Variants in PDGFRA observed in about 807,000 individuals in gnomAD.
The protein encoded by PDGFRA is platelet derived growth factor receptor alpha.
PDGFRA carries 25 observed loss-of-function variants against 121.5 expected under a neutral mutation model. The observed-to-expected ratio is 0.21, with a 90% CI of 0.15 to 0.29. PDGFRA has a LOEUF of 0.29. Ranked by LOEUF, PDGFRA falls within the 10% of genes least tolerant of loss-of-function variation. The pLI is 1.00. For missense variants in PDGFRA, 1,008 were observed against 1,345.1 expected (o/e 0.75, Z 3.92); for synonymous variants, 463 against 494.8 (o/e 0.94, Z 0.85).
chr4:54,238,857 A>C (rs931615477), intron 1 of PDGFRA, among the ~76,000 whole-genome samples: 9 of 152,160 alleles, frequency 5.9e-5, no homozygotes, highest in Non-Finnish European at 1.3e-4. Flanking sequence ...CTATAGTCCC[A>C]GCTACTGGTC....
intron 16 of PDGFRA, chr4:54,281,640 G>A: frequency 1.5e-6 from 2 of 1,360,052 alleles, no homozygotes; most frequent in Non-Finnish European, 1.9e-6. Context: ...TCAGGCCCAA[G>A]CCCTGTTGGC....
chr4:54,245,846 TC>T (rs1452894838), intron 1 of PDGFRA, among the ~76,000 whole-genome samples: 1 of 151,530 alleles, frequency 6.6e-6, no homozygotes, highest in Non-Finnish European at 1.5e-5. Context: ...ACACATAGGC[TC>T]AAAATAAAAG....
At chr4:54,266,810 G>T (rs975137013) in intron 5 of PDGFRA, among the ~76,000 whole-genome samples, 2 of 151,912 alleles carry the variant, frequency 1.3e-5, no homozygotes, top group Non-Finnish European at 2.9e-5. Flanking sequence ...TCAAGACTCC[G>T]TCTCTACAAA....
chr4:54,293,305 G>A (rs1577753119), intron 22 of PDGFRA, among the ~76,000 whole-genome samples: 1 of 152,130 alleles, frequency 6.6e-6, no homozygotes, highest in Admixed American at 6.5e-5. Context: ...ACCTGACTCA[G>A]GTTAGATCTT....
At position 54,267,783 on chromosome 4, in the gene PDGFRA, C is replaced by T. The variant is rs368141511; in HGVS notation, c.1121+42C>T. 2.7e-5 allele frequency: 41 copies of T among 1,537,160 alleles called. No individual in the cohort carries two copies. In the East Asian group the frequency reaches 8.4e-4, roughly 31 times the overall value. ...CCCAAGTATGCCTTTTTTTAGTGTG[C>T]ATCAGAGGCGGACTGAGGTTTGTGT... is the stretch of plus-strand genomic sequence containing the variant. On this transcript the variant is annotated intron_variant, in intron 7 of 22. Coordinates refer to ENST00000257290, the MANE Select transcript of PDGFRA (RefSeq NM_006206.6).
intron 22 of PDGFRA, among the ~76,000 whole-genome samples, chr4:54,291,390 C>T (rs764341560): frequency 3.5e-4 from 54 of 152,192 alleles, no homozygotes; most frequent in Non-Finnish European, 6.8e-4. Flanking sequence ...GACAATAAAT[C>T]GTTAAGGCAT....
chr4:54,245,956 A>T (rs1424550777), intron 1 of PDGFRA, among the ~76,000 whole-genome samples: 3 of 152,150 alleles, frequency 2.0e-5, no homozygotes, highest in Non-Finnish European at 4.4e-5. Context: ...AAAGATCAAA[A>T]GAGACAAAGA....
chr4:54,271,843 C>T (rs1299014553), intron 8 of PDGFRA, among the ~76,000 whole-genome samples: 7 of 132,108 alleles, frequency 5.3e-5, no homozygotes, highest in Admixed American at 1.5e-4. Context: ...CCTTTTCCTC[C>T]CTCCCTCCCT....
rs2110241773 is a variant in PDGFRA at position 54,261,129 on chromosome 4, C to G, written c.84C>G (p.Pro28=). The change falls in exon 3 of 23, where the codon CCC becomes CCG. Residue 28 remains proline, a synonymous_variant. Coordinates refer to ENST00000257290, the MANE Select transcript of PDGFRA (RefSeq NM_006206.6). ...TAATCCTCTGCCAGCTTTCATTACC[C>G]TCTATCCTTCCAAATGAAAATGAAA... ...LSLILCQLSL[P]SILPNENEKV... 1.2e-6 allele frequency: 2 copies of G among 1,614,170 alleles called. No individual in the cohort carries two copies. Among genetic ancestry groups the G allele is most frequent in the Non-Finnish European group, 1.7e-6 (2 of 1,180,014 alleles).
chr4:54,234,139 C>T (rs1232456540), intron 1 of PDGFRA, among the ~76,000 whole-genome samples: 4 of 152,218 alleles, frequency 2.6e-5, no homozygotes, highest in Admixed American at 2.0e-4. Flanking sequence ...TCCCGAAGCC[C>T]CGCTGCCCCG....
At chr4:54,264,205 A>C (rs898947946) in intron 4 of PDGFRA, 1 of 521,776 alleles carries the variant, frequency 1.9e-6, no homozygotes, top group Non-Finnish European at 3.4e-6. Flanking sequence ...TCTTACTTTC[A>C]TTCACATTCC....
intron 16 of PDGFRA, among the ~76,000 whole-genome samples, chr4:54,282,170 G>A (rs898029062): frequency 5.3e-5 from 8 of 152,130 alleles, no homozygotes; most frequent in Admixed American, 5.2e-4. Context: ...TGTTTTGTGT[G>A]TGCGTGTATG....
intron 8 of PDGFRA, 93 bp downstream of exon 8, chr4:54,270,841 A>G: frequency 1.3e-6 from 1 of 754,438 alleles, no homozygotes; most frequent in Non-Finnish European, 2.4e-6. Context: ...ATGGAAGAAA[A>G]GCAGCACTTA....
In PDGFRA at chr4:54,261,935, T is replaced by A. The variant is rs28669351; in HGVS notation, c.367+523T>A. On this transcript the variant is annotated intron_variant, in intron 3 of 22. Coordinates refer to ENST00000257290, the MANE Select transcript of PDGFRA (RefSeq NM_006206.6). ...TATATATATATATATATATATATTT[T>A]TTTTTTTTTTGGTAACAGGGTCTCA... 2.5e-3 allele frequency among the ~76,000 whole-genome samples: 299 copies of A among 121,618 alleles called. 1 individual carries two copies. The highest frequency in any genetic ancestry group is 8.3e-3 in the African/African-American group (202 of 24,326). The allele number at this position is 121,618 out of a possible 152,430, so 79.8% of individuals were successfully genotyped here. A position where few individuals can be genotyped will look rare whatever the true frequency, so the allele number is the denominator to read the frequency against.
intron 22 of PDGFRA, among the ~76,000 whole-genome samples, chr4:54,291,154 C>T (rs1421718576): frequency 3.3e-5 from 5 of 152,156 alleles, no homozygotes; most frequent in Admixed American, 1.3e-4. Context: ...GTTCAGTATT[C>T]GTCACCCAGC....
At chr4:54,290,823 G>A (rs948629432) in intron 22 of PDGFRA, among the ~76,000 whole-genome samples, 2 of 152,166 alleles carry the variant, frequency 1.3e-5, no homozygotes, top group African/African-American at 4.8e-5. Flanking sequence ...AAATTCTCAG[G>A]TAATTTGATC....
At chr4:54,291,615 A>G (rs1262678357) in intron 22 of PDGFRA, among the ~76,000 whole-genome samples, 1 of 152,220 alleles carries the variant, frequency 6.6e-6, no homozygotes, top group Admixed American at 6.5e-5. Flanking sequence ...TATTATTAAA[A>G]AGTCAAAAAA....
chr4:54,250,001 T>C (rs1262471515), intron 1 of PDGFRA, among the ~76,000 whole-genome samples: 1 of 152,194 alleles, frequency 6.6e-6, no homozygotes, highest in Non-Finnish European at 1.5e-5. Flanking sequence ...TATAAAGTTT[T>C]ATTAAGAATT....
intron 7 of PDGFRA, among the ~76,000 whole-genome samples, chr4:54,268,628 G>A (rs140126104): frequency 2.0e-4 from 30 of 152,210 alleles, no homozygotes; most frequent in African/African-American, 6.3e-4. Flanking sequence ...TAAATTCCAC[G>A]TGTAATTGAG....
Sources: gnomAD v4.1 joint callset for allele counts (sites outside exome capture counted in the v4.1 genomes callset) on GRCh38, gnomAD v4.1.1 for gene constraint, MANE v1.5 for transcripts, NCBI Gene and HGNC (gene_info 2026-07-23, HGNC 2026-07-21) for gene names.